Variants in ADGRG4 observed in about 807,000 individuals in gnomAD.
ADGRG4 encodes the protein G protein-coupled receptor 112.
ADGRG4 carries 122 observed loss-of-function variants against 126.2 expected under a neutral mutation model. The observed-to-expected ratio is 0.97, with a 90% CI of 0.83 to 1.12. ADGRG4 has a LOEUF of 1.12. ADGRG4 is among the 50% of genes most tolerant of loss of function. The probability of loss-of-function intolerance (pLI) is 0.00; values close to 1 mark genes in which losing one functional copy is unlikely to be tolerated. For synonymous variants in ADGRG4, 943 were observed against 838.7 expected (o/e 1.12, Z -2.15); for missense variants, 2,481 against 2,251.8 (o/e 1.10, Z -2.06).
In ADGRG4 at chrX:136,348,678, A is replaced by G. The variant is rs2075037138; in HGVS notation, c.4972A>G (p.Thr1658Ala). 1 of 1,207,303 alleles carries G rather than the reference A, an allele frequency of 8.3e-7. No homozygotes were observed. The highest frequency in any genetic ancestry group is 1.8e-5 in the African/African-American group (1 of 56,594). The stretch of plus-strand genomic sequence containing the variant: ...AGAGCCAACTTTGCCCTTTGTAAAA[A>G]CCGTTCCCACCACCATTATGGCTGG... ...PTEPTLPFVK[T>A]VPTTIMAGIV... The change falls in exon 6 of 26, where the codon ACC becomes GCC. Residue 1658 changes from threonine to alanine, a missense_variant. Transcript: ENST00000394143.
chrX:136,338,836 T>C (rs1170267277), intron 5 of ADGRG4, among the ~76,000 whole-genome samples: 1 of 112,411 alleles, frequency 8.9e-6, no homozygotes, highest in Non-Finnish European at 1.9e-5. Context: ...AATCTTTTAT[T>C]TTAGCAGTCA....
At position 136,359,319 on chromosome X, in the gene ADGRG4, C is replaced by T; in HGVS notation, c.7008C>T (p.Ala2336=). The T allele has an allele frequency of 2.5e-6, 3 of 1,204,530 alleles. No homozygotes were observed. The highest frequency in any genetic ancestry group is 3.4e-6 in the Non-Finnish European group (3 of 891,964). ...GTGTTTGTCAGGTCATCATAAAAGC[C>T]AGCTCTTCCTTAGCATCCTCTGAAT... The part of the protein sequence containing the change: ...YSCVCQVIIK[A]SSSLASSELM... Residue 2336 remains alanine (A), a synonymous_variant, in exon 11 of 26, where the codon GCC becomes GCT. Coordinates refer to ENST00000394143, the MANE Select transcript of ADGRG4 (RefSeq NM_153834.4).
At chrX:136,414,020 C>T (rs772069528) in intron 24 of ADGRG4, 140 bp from the exon 25 acceptor site, 17 of 468,489 alleles carry the variant, frequency 3.6e-5, no homozygotes, top group East Asian at 3.4e-4. Flanking sequence ...GAATTACAGG[C>T]GTGAGCCACT....
intron 5 of ADGRG4, among the ~76,000 whole-genome samples, chrX:136,329,415 A>C (rs2074894785): frequency 8.9e-6 from 1 of 112,167 alleles, no homozygotes; most frequent in South Asian, 3.7e-4. Context: ...TGTAGAGTGA[A>C]AGAGCAAATG....
chrX:136,406,501 G>T (rs2075411106), intron 23 of ADGRG4, among the ~76,000 whole-genome samples: 1 of 112,180 alleles, frequency 8.9e-6, no homozygotes, highest in South Asian at 3.7e-4. Flanking sequence ...ATAATTGGTT[G>T]AATTAGATGA....
At chrX:136,380,609 CTTCT>C (rs1569332995) in intron 15 of ADGRG4, among the ~76,000 whole-genome samples, 30 of 62,101 alleles carry the variant, frequency 4.8e-4, no homozygotes, top group Non-Finnish European at 6.8e-4. Context: ...TCCTCCTCTT[CTTCT>C]TCTTCTTCTT....
intron 13 of ADGRG4, among the ~76,000 whole-genome samples, chrX:136,368,851 G>T (rs886361390): frequency 8.9e-6 from 1 of 111,986 alleles, no homozygotes; most frequent in Non-Finnish European, 1.9e-5. Flanking sequence ...TTTAATAATG[G>T]CCGTGTTTAA....
intron 23 of ADGRG4, among the ~76,000 whole-genome samples, chrX:136,408,911 C>T (rs971834641): frequency 1.8e-5 from 2 of 110,992 alleles, no homozygotes; most frequent in Non-Finnish European, 3.8e-5. Context: ...CCAAAAGAGC[C>T]AAGCTGTCTC....
chrX:136,360,615 G>A (rs2075122522), intron 11 of ADGRG4, among the ~76,000 whole-genome samples: 1 of 111,297 alleles, frequency 9.0e-6, no homozygotes, highest in Non-Finnish European at 1.9e-5. Context: ...GGTGATGCAT[G>A]CCTGTAGTGC....
intron 22 of ADGRG4, 31 bp from the exon 23 acceptor site, chrX:136,405,661 A>G: frequency 9.4e-7 from 1 of 1,065,707 alleles, no homozygotes; most frequent in Non-Finnish European, 1.3e-6. Context: ...ATGTTTCCCT[A>G]TCTCATGATA....
At chrX:136,357,803 T>A in intron 10 of ADGRG4, 47 bp downstream of exon 10, 1 of 901,670 alleles carries the variant, frequency 1.1e-6, no homozygotes, top group Non-Finnish European at 1.6e-6. Context: ...CATTTAGTTC[T>A]GATTTTCCTT....
chrX:136,373,335 A>G (rs1020036976), intron 15 of ADGRG4, among the ~76,000 whole-genome samples: 2 of 111,900 alleles, frequency 1.8e-5, no homozygotes, highest in Non-Finnish European at 3.8e-5. Flanking sequence ...CCATTTAAGG[A>G]ACACATTATA....
intron 6 of ADGRG4, 122 bp from the exon 7 acceptor site, chrX:136,351,325 T>C (rs942868590): frequency 1.4e-5 from 5 of 355,170 alleles, no homozygotes; most frequent in Non-Finnish European, 2.4e-5. Context: ...TTAAGCTAAG[T>C]TTAGGCATGA....
chrX:136,338,004 G>A (rs982189261), intron 5 of ADGRG4, among the ~76,000 whole-genome samples: 43 of 110,694 alleles, frequency 3.9e-4, no homozygotes, highest in African/African-American at 1.2e-3. Context: ...TCTTTTCAAT[G>A]CATTTTCTCT....
At chrX:136,302,460 C>A (rs1343477395) in intron 1 of ADGRG4, among the ~76,000 whole-genome samples, 1 of 112,114 alleles carries the variant, frequency 8.9e-6, no homozygotes, top group Admixed American at 9.5e-5. Context: ...CATTCTTATA[C>A]ACCAATAACA....
intron 13 of ADGRG4, among the ~76,000 whole-genome samples, chrX:136,369,606 G>T (rs1211134869): frequency 8.9e-6 from 1 of 112,417 alleles, no homozygotes; most frequent in Non-Finnish European, 1.9e-5. Flanking sequence ...TGACTAGGCA[G>T]CTCTTGTTAT....
At chrX:136,385,048 A>G (rs1348288924) in intron 15 of ADGRG4, among the ~76,000 whole-genome samples, 1 of 110,907 alleles carries the variant, frequency 9.0e-6, no homozygotes, top group Non-Finnish European at 1.9e-5. Flanking sequence ...TGAGACTCCA[A>G]TTACTTGTAT....
In ADGRG4 at chrX:136,347,083, C is replaced by T. The variant is rs139973264; in HGVS notation, c.3377C>T (p.Thr1126Ile). 1.8e-4 allele frequency: 215 copies of T among 1,207,307 alleles called. No homozygotes were observed. The highest frequency in any genetic ancestry group is 2.3e-4 in the Non-Finnish European group (203 of 893,317). Residue 1126 changes from threonine (T) to isoleucine (I), a missense_variant, in exon 6 of 26, where the codon ACC becomes ATC. Thr to Ile is a moderately conservative substitution (Grantham distance 89). Coordinates refer to ENST00000394143, the MANE Select transcript of ADGRG4 (RefSeq NM_153834.4). ...LSTPVTAKAETTLFSTSVDTV... is the reference protein window; with the variant it reads ...LSTPVTAKAEITLFSTSVDTV... ...ACTCCTGTGACAGCTAAGGCTGAGACCACCCTTTTCTCTACCTCAGTTGAT... is the reference window on the plus strand; with the variant it reads ...ACTCCTGTGACAGCTAAGGCTGAGATCACCCTTTTCTCTACCTCAGTTGAT...
chrX:136,384,063 T>C (rs1368655720), intron 15 of ADGRG4, among the ~76,000 whole-genome samples: 5 of 109,019 alleles, frequency 4.6e-5, no homozygotes, highest in Non-Finnish European at 7.6e-5. Context: ...GGGCTGTTGT[T>C]TTTTTATTTA....
Sources: gnomAD v4.1 joint callset for allele counts (sites outside exome capture counted in the v4.1 genomes callset) on GRCh38, gnomAD v4.1.1 for gene constraint, MANE v1.5 for transcripts, NCBI Gene and HGNC (gene_info 2026-07-23, HGNC 2026-07-21) for gene names.